The following SLC24A3 variants were observed in gnomAD, a reference collection of about 807,000 sequenced individuals.
The protein encoded by SLC24A3 is solute carrier family 24 member 3.
In SLC24A3, 28 loss-of-function variants were observed where a neutral mutation model predicts 75.8. The ratio of observed to expected loss-of-function variants is 0.37; its 90% CI spans 0.27 to 0.51. The LOEUF (loss-of-function observed/expected upper bound fraction) is 0.51. Among genes scored for constraint, SLC24A3 ranks in the 20% least tolerant of loss-of-function variants. The pLI, the probability that SLC24A3 is intolerant of heterozygous loss-of-function variation, is 0.94. For synonymous variants in SLC24A3, 372 were observed against 334.1 expected, an observed-to-expected ratio of 1.11 and a Z score of -1.24; for missense variants, 663 against 847.8, an observed-to-expected ratio of 0.78 and a Z score of 2.71.
Position 19,556,413 on chromosome 20 carries a change from T to C in SLC24A3, c.349-23587T>C, listed in dbSNP as rs370242639. On this transcript the variant is annotated intron_variant, in intron 3 of 16. Transcript: ENST00000328041. ...AATTGTCCTCTCTCCCACCCCATCG[T>C]CCAAATTAGTAGAGAATTTAGAGTC... is the stretch of plus-strand genomic sequence containing the variant. Among the ~76,000 whole-genome samples the C allele has an allele frequency of 4.7e-4, 71 of 152,236 alleles. No homozygotes were observed. The Middle Eastern group carries it at 0.01, about 22-fold the overall frequency.
intron 2 of SLC24A3, among the ~76,000 whole-genome samples, chr20:19,302,933 A>C (rs1799164442): frequency 6.6e-6 from 1 of 151,884 alleles, no homozygotes; most frequent in Non-Finnish European, 1.5e-5. Context: ...TAGAGTCATC[A>C]GTTAAATGAC....
rs546100188 is a variant in SLC24A3, at chr20:19,541,350, C to T, written c.348+25786C>T. ...CACTGTTATCTGCCTGTCCCGGAAG[C>T]CTGGCTTCCTTCTCTTCTCTTTTTT... On this transcript the variant is annotated intron_variant, in intron 3 of 16. Transcript: ENST00000328041. Among the ~76,000 whole-genome samples the T allele has an allele frequency of 4.1e-4, 62 of 152,356 alleles. No homozygotes were observed. The South Asian group carries it at 8.3e-3, about 20-fold the overall frequency.
chr20:19,330,098 G>A (rs940193008), intron 2 of SLC24A3, among the ~76,000 whole-genome samples: 41 of 152,222 alleles, frequency 2.7e-4, no homozygotes, highest in Non-Finnish European at 5.9e-4. Flanking sequence ...GGGCTAACCA[G>A]ATGACACACT....
chr20:19,231,294 G>T (rs765161874), intron 1 of SLC24A3, among the ~76,000 whole-genome samples: 2 of 152,196 alleles, frequency 1.3e-5, no homozygotes, highest in African/African-American at 4.8e-5. Context: ...AGATGTTTAC[G>T]TCCGAATCCT....
intron 2 of SLC24A3, among the ~76,000 whole-genome samples, chr20:19,385,452 G>A (rs892745807): frequency 1.3e-5 from 2 of 152,132 alleles, no homozygotes; most frequent in Non-Finnish European, 1.5e-5. Context: ...AACTGTAAAT[G>A]CATGAATTAA....
At chr20:19,432,755 G>C (rs1987126544) in intron 2 of SLC24A3, among the ~76,000 whole-genome samples, 1 of 152,116 alleles carries the variant, frequency 6.6e-6, no homozygotes, top group African/African-American at 2.4e-5. Context: ...TTAAGCACAG[G>C]TTTACAGAAG....
intron 6 of SLC24A3, among the ~76,000 whole-genome samples, chr20:19,633,436 T>C (rs1452229231): frequency 6.6e-6 from 1 of 151,648 alleles, no homozygotes; most frequent in Non-Finnish European, 1.5e-5. Context: ...GATCACGAGG[T>C]CAGGAGATCG....
chr20:19,320,386 G>A (rs924171242), intron 2 of SLC24A3, among the ~76,000 whole-genome samples: 3 of 152,112 alleles, frequency 2.0e-5, no homozygotes, highest in Non-Finnish European at 4.4e-5. Flanking sequence ...CTATTCTGGA[G>A]CTCTTGGGTT....
intron 2 of SLC24A3, among the ~76,000 whole-genome samples, chr20:19,477,306 G>T (rs933296905): frequency 2.6e-5 from 4 of 152,168 alleles, no homozygotes; most frequent in African/African-American, 9.7e-5. Context: ...GAGGCCAAAA[G>T]ATTCCAGATC....
chr20:19,553,091 C>T (rs3838378), intron 3 of SLC24A3, among the ~76,000 whole-genome samples: 2,075 of 129,430 alleles, frequency 0.016, 78 homozygotes, highest in African/African-American at 0.056. Flanking sequence ...CCCTCCCTCC[C>T]TCCTTCCTTC....
At chr20:19,673,415 G>A (rs1255162047) in intron 8 of SLC24A3, among the ~76,000 whole-genome samples, 186 bp from the exon 9 acceptor site, 2 of 152,226 alleles carry the variant, frequency 1.3e-5, no homozygotes, top group Admixed American at 6.5e-5. Flanking sequence ...GGAGAGAAGA[G>A]AAAGATGGTT....
intron 2 of SLC24A3, among the ~76,000 whole-genome samples, chr20:19,313,185 C>T (rs1032864512): frequency 1.8e-4 from 28 of 151,928 alleles, no homozygotes; most frequent in Middle Eastern, 3.4e-3. Flanking sequence ...TATAGGCACC[C>T]GCCAGCATGC....
At chr20:19,666,001 G>T in intron 8 of SLC24A3, 112 bp downstream of exon 8, 1 of 1,194,964 alleles carries the variant, frequency 8.4e-7, no homozygotes. Flanking sequence ...TGACAGCTTA[G>T]AATGAGGAGA....
intron 6 of SLC24A3, among the ~76,000 whole-genome samples, chr20:19,611,161 C>A (rs2031666459): frequency 6.6e-6 from 1 of 152,180 alleles, no homozygotes; most frequent in Non-Finnish European, 1.5e-5. Flanking sequence ...GAAGGAACCC[C>A]ATGGGGAAGG....
chr20:19,671,940 C>T (rs1286729603), intron 8 of SLC24A3, among the ~76,000 whole-genome samples: 3 of 152,078 alleles, frequency 2.0e-5, no homozygotes, highest in African/African-American at 7.2e-5. Flanking sequence ...GAAGGAGAAG[C>T]TGGGGGCAGG....
chr20:19,606,127 C>T (rs377655473), intron 6 of SLC24A3, among the ~76,000 whole-genome samples: 17 of 152,358 alleles, frequency 1.1e-4, no homozygotes, highest in African/African-American at 4.1e-4. Context: ...TGGCAGCACA[C>T]CCAAAACTGT....
chr20:19,385,738 C>T (rs183891253), intron 2 of SLC24A3, among the ~76,000 whole-genome samples: 1 of 151,796 alleles, frequency 6.6e-6, no homozygotes, highest in East Asian at 1.9e-4. Flanking sequence ...ACCTCCTGGG[C>T]TCAAATGATC....
chr20:19,365,904 C>T (rs1381525420), intron 2 of SLC24A3, among the ~76,000 whole-genome samples: 2 of 152,130 alleles, frequency 1.3e-5, no homozygotes, highest in African/African-American at 4.8e-5. Flanking sequence ...CATGTGGGTC[C>T]TTTATTATCT....
At chr20:19,546,179 A>AAAAAAAAAAAC (rs765227499) in intron 3 of SLC24A3, among the ~76,000 whole-genome samples, 3 of 147,466 alleles carry the variant, frequency 2.0e-5, no homozygotes, top group Admixed American at 6.7e-5. Flanking sequence ...AAAAAAAAAA[A>AAAAAAAAAAAC]AAAAAAAAAC....
Sources: allele counts gnomAD v4.1 joint callset (sites outside exome capture counted in the v4.1 genomes callset), GRCh38; gene constraint gnomAD v4.1.1; transcripts MANE v1.5; gene names NCBI Gene and HGNC (gene_info 2026-07-23, HGNC 2026-07-21).